ERC2: variants seen among roughly 807,000 people sequenced by gnomAD.
ERC2 encodes the protein ERC protein 2.
ERC2 carries 42 observed loss-of-function variants against 114.8 expected under a neutral mutation model. That is an observed-to-expected ratio of 0.37 (90% CI 0.29 to 0.47). The LOEUF is 0.47. ERC2 is among the 20% of genes least tolerant of loss of function. ERC2 has a pLI of 0.99. For synonymous variants in ERC2, 454 were observed against 425.5 expected, an observed-to-expected ratio of 1.07 and a Z score of -0.82; for missense variants, 939 against 1,150.7, an observed-to-expected ratio of 0.82 and a Z score of 2.66.
chr3:56,201,148 TCTTCACTACCATCTCC>T, intron 3 of ERC2, among the ~76,000 whole-genome samples: 1 of 152,222 alleles, frequency 6.6e-6, no homozygotes, highest in East Asian at 1.9e-4. Flanking sequence ...CCCCATCCTA[TCTTCACTACCATCTCC>T]CTAACATCTG....
chr3:56,114,869 G>A (rs904300860), intron 6 of ERC2, among the ~76,000 whole-genome samples: 1 of 152,098 alleles, frequency 6.6e-6, no homozygotes, highest in Non-Finnish European at 1.5e-5. Context: ...GCCCCTCCCT[G>A]AAACAAAGCC....
intron 14 of ERC2, among the ~76,000 whole-genome samples, chr3:55,750,481 CT>C (rs2066622222): frequency 6.6e-6 from 1 of 152,110 alleles, no homozygotes; most frequent in South Asian, 2.1e-4. Context: ...AAACTTGGCC[CT>C]TTCAATTCTT....
At chr3:56,311,255 C>CTATATATATA (rs67320179) in intron 2 of ERC2, among the ~76,000 whole-genome samples, 13 of 78,992 alleles carry the variant, frequency 1.6e-4, no homozygotes, top group African/African-American at 6.3e-4. Context: ...CTCTCTCTCT[C>CTATATATATA]TATATATATA....
chr3:55,559,657 C>T (rs1485445209), intron 17 of ERC2, among the ~76,000 whole-genome samples: 2 of 152,230 alleles, frequency 1.3e-5, no homozygotes, highest in African/African-American at 4.8e-5. Flanking sequence ...CAAAACTCCC[C>T]ATGGAGCGGC....
intron 14 of ERC2, among the ~76,000 whole-genome samples, chr3:55,739,393 C>T (rs531500398): frequency 3.9e-5 from 6 of 152,318 alleles, no homozygotes; most frequent in East Asian, 3.9e-4. Flanking sequence ...AAAAGCCTTC[C>T]TATTTCTCCA....
At chr3:55,891,867 T>C (rs932673959) in intron 13 of ERC2, among the ~76,000 whole-genome samples, 1 of 152,236 alleles carries the variant, frequency 6.6e-6, no homozygotes, top group Non-Finnish European at 1.5e-5. Flanking sequence ...AGTAACTCCC[T>C]TCTTGCCAAA....
At chr3:55,892,086 G>A (rs2063637413) in intron 13 of ERC2, among the ~76,000 whole-genome samples, 1 of 152,126 alleles carries the variant, frequency 6.6e-6, no homozygotes, top group Non-Finnish European at 1.5e-5. Flanking sequence ...ACCTCAACAG[G>A]TAAATAGGGA....
rs535434355 is a variant in ERC2, at chr3:55,800,328, G to C, written c.2565-65410C>G. Among the ~76,000 whole-genome samples, 176 of 152,152 alleles carry C rather than the reference G, an allele frequency of 1.2e-3. 2 individuals are homozygous for C. The highest frequency in any genetic ancestry group is 4.2e-3 in the African/African-American group (174 of 41,502). On this transcript the variant is annotated intron_variant, in intron 14 of 17. Transcript: ENST00000288221. ...CCGGCTAATTTTTGTATTTTTAGTA[G>C]AAATGGGGTTTCACCTTGTTGGTCA...
intron 2 of ERC2, among the ~76,000 whole-genome samples, chr3:56,349,219 C>T (rs1393738311): frequency 1.3e-5 from 2 of 152,100 alleles, no homozygotes; most frequent in Admixed American, 6.6e-5. Flanking sequence ...TGTACACACA[C>T]CAAAATGGTG....
rs1217592338 is a variant in ERC2, at chr3:56,291,305, T to G, written c.1074+4714A>C. 3.9e-5 allele frequency among the ~76,000 whole-genome samples: 6 copies of G among 152,134 alleles called. No individual in the cohort carries two copies. The East Asian group carries it at 1.2e-3, about 29-fold the overall frequency. ...GACAATGCTAGTGAGTAATGCTGAGTTTCGGCCAACCCTTTGGCTCACATT... is the reference window on the plus strand; with the variant it reads ...GACAATGCTAGTGAGTAATGCTGAGGTTCGGCCAACCCTTTGGCTCACATT... On this transcript the variant is annotated intron_variant, in intron 3 of 17. Coordinates refer to ENST00000288221, the MANE Select transcript of ERC2 (RefSeq NM_015576.3).
At chr3:56,311,116 A>G (rs144288212) in intron 2 of ERC2, among the ~76,000 whole-genome samples, 125 of 151,302 alleles carry the variant, frequency 8.3e-4, no homozygotes, top group Middle Eastern at 3.4e-3. Flanking sequence ...TGAACTATGT[A>G]CTATTTTTTT....
intron 17 of ERC2, among the ~76,000 whole-genome samples, chr3:55,540,336 T>C (rs2054310422): frequency 6.6e-6 from 1 of 152,210 alleles, no homozygotes; most frequent in Non-Finnish European, 1.5e-5. Context: ...AGAATTCACA[T>C]AGATCATTTC....
At chr3:56,350,020 C>G (rs114966347) in intron 2 of ERC2, among the ~76,000 whole-genome samples, 1 of 151,516 alleles carries the variant, frequency 6.6e-6, no homozygotes, top group East Asian at 1.9e-4. Context: ...GCCTATAGAA[C>G]AAACAGGCAC....
chr3:55,564,357 C>G (rs2056228188), intron 17 of ERC2, among the ~76,000 whole-genome samples: 1 of 152,192 alleles, frequency 6.6e-6, no homozygotes, highest in Non-Finnish European at 1.5e-5. Context: ...GCAAAATATT[C>G]ATGCTTCCCT....
chr3:55,551,519 T>C (rs903731858), intron 17 of ERC2, among the ~76,000 whole-genome samples: 2 of 151,654 alleles, frequency 1.3e-5, no homozygotes, highest in African/African-American at 4.8e-5. Context: ...TGCGATTCCG[T>C]CTCAAAAAAA....
intron 13 of ERC2, among the ~76,000 whole-genome samples, chr3:55,904,764 A>G (rs1425354933): frequency 1.3e-5 from 2 of 152,314 alleles, no homozygotes; most frequent in East Asian, 1.9e-4. Context: ...AACACCCTAG[A>G]CCACCGAGGT....
chr3:55,973,147 G>A (rs2069303620), intron 12 of ERC2, among the ~76,000 whole-genome samples: 2 of 152,168 alleles, frequency 1.3e-5, no homozygotes. Context: ...GATTTTATCT[G>A]GAGTAGAGGA....
chr3:56,332,526 A>G (rs999752101), intron 2 of ERC2, among the ~76,000 whole-genome samples: 8 of 152,148 alleles, frequency 5.3e-5, no homozygotes, highest in African/African-American at 1.7e-4. Flanking sequence ...TTCTGGTTCC[A>G]AGGCCACTGT....
intron 6 of ERC2, among the ~76,000 whole-genome samples, chr3:56,105,012 G>A (rs1358546494): frequency 6.6e-6 from 1 of 152,212 alleles, no homozygotes; most frequent in East Asian, 1.9e-4. Flanking sequence ...ACATTAGAGG[G>A]AGAGGACTTG....
Sources: gnomAD v4.1 joint callset for allele counts (sites outside exome capture counted in the v4.1 genomes callset) on GRCh38, gnomAD v4.1.1 for gene constraint, MANE v1.5 for transcripts, NCBI Gene and HGNC (gene_info 2026-07-23, HGNC 2026-07-21) for gene names.